CPQ: variants seen among roughly 807,000 people sequenced by gnomAD.
The protein encoded by CPQ is carboxypeptidase Q.
A neutral mutation model predicts 45.7 loss-of-function variants in CPQ; 37 were observed. That is an observed-to-expected ratio of 0.81 (90% CI 0.62 to 1.07). The LOEUF (loss-of-function observed/expected upper bound fraction) is 1.07. CPQ is among the 50% of genes least tolerant of loss of function. The probability of loss-of-function intolerance (pLI) is 0.00; values close to 1 mark genes in which losing one functional copy is unlikely to be tolerated. For synonymous variants in CPQ, 186 were observed against 205.8 expected (o/e 0.90, Z 0.82); for missense variants, 537 against 572.9 (o/e 0.94, Z 0.64).
chr8:97,039,837 A>G (rs1391354805), intron 6 of CPQ, among the ~76,000 whole-genome samples: 1 of 152,062 alleles, frequency 6.6e-6, no homozygotes, highest in Non-Finnish European at 1.5e-5. Flanking sequence ...GCTGCATAGT[A>G]TTCCATGGTG....
At chr8:96,679,360 A>G (rs1220007906) in intron 1 of CPQ, among the ~76,000 whole-genome samples, 1 of 151,990 alleles carries the variant, frequency 6.6e-6, no homozygotes, top group East Asian at 1.9e-4. Context: ...TTCATCAGGG[A>G]TATTGGCTTT....
intron 3 of CPQ, among the ~76,000 whole-genome samples, chr8:96,865,113 G>C (rs1325065420): frequency 3.3e-5 from 5 of 151,938 alleles, no homozygotes; most frequent in Non-Finnish European, 7.4e-5. Flanking sequence ...AAATAATAAA[G>C]ATTGGAACAT....
In CPQ at chr8:96,822,360, A is replaced by G. The variant is rs188422299; in HGVS notation, c.434-12613A>G. On this transcript the variant is annotated intron_variant, in intron 2 of 7. Coordinates refer to ENST00000220763, the MANE Select transcript of CPQ (RefSeq NM_016134.4). Reference sequence around the variant, plus strand: ...GGTATTGTCAATAATGTTGTAATGAACATAGGAGTGCAGGTATCTCTTTGA... The same window carrying G: ...GGTATTGTCAATAATGTTGTAATGAGCATAGGAGTGCAGGTATCTCTTTGA... 3.9e-5 allele frequency among the ~76,000 whole-genome samples: 6 copies of G among 152,142 alleles called. No homozygotes were observed. The East Asian group carries it at 9.7e-4, about 25-fold the overall frequency.
chr8:97,018,187 A>G (rs1563555591), intron 5 of CPQ, among the ~76,000 whole-genome samples: 1 of 152,178 alleles, frequency 6.6e-6, no homozygotes, highest in African/African-American at 2.4e-5. Flanking sequence ...GAAAAGGGGG[A>G]GAGTACTACA....
At chr8:97,069,574 A>G (rs567306717) in intron 7 of CPQ, among the ~76,000 whole-genome samples, 1 of 152,218 alleles carries the variant, frequency 6.6e-6, no homozygotes, top group Middle Eastern at 3.4e-3. Context: ...AAGTAAAAAT[A>G]TATCAGTTGT....
chr8:97,055,848 C>T (rs1810446728), intron 6 of CPQ, among the ~76,000 whole-genome samples: 1 of 152,098 alleles, frequency 6.6e-6, no homozygotes, highest in African/African-American at 2.4e-5. Flanking sequence ...GCCTATAATC[C>T]TAGCACTTTA....
chr8:97,006,058 AG>A (rs1809375799), intron 5 of CPQ, among the ~76,000 whole-genome samples: 1 of 152,212 alleles, frequency 6.6e-6, no homozygotes, highest in Non-Finnish European at 1.5e-5. Flanking sequence ...AATTTAAGCA[AG>A]GCAGACAGTG....
intron 1 of CPQ, among the ~76,000 whole-genome samples, chr8:96,777,599 A>T (rs926000313): frequency 1.3e-5 from 2 of 151,402 alleles, no homozygotes; most frequent in Non-Finnish European, 2.9e-5. Flanking sequence ...ACACTGAAGT[A>T]AACAAGTGTT....
At chr8:96,939,219 C>T (rs1813092556) in intron 4 of CPQ, among the ~76,000 whole-genome samples, 1 of 152,188 alleles carries the variant, frequency 6.6e-6, no homozygotes, top group Non-Finnish European at 1.5e-5. Flanking sequence ...GGCAATCAGG[C>T]ATTAGTTAGA....
intron 5 of CPQ, among the ~76,000 whole-genome samples, chr8:96,991,376 G>A (rs1257343504): frequency 6.6e-6 from 1 of 151,902 alleles, no homozygotes; most frequent in African/African-American, 2.4e-5. Context: ...GGCCAACATG[G>A]CAAAACCCCA....
chr8:96,675,980 T>C (rs536786997), intron 1 of CPQ, among the ~76,000 whole-genome samples: 3 of 152,146 alleles, frequency 2.0e-5, no homozygotes, highest in African/African-American at 7.2e-5. Flanking sequence ...CAAAAATGTT[T>C]ATTTTTTCCT....
At chr8:96,950,463 T>G (rs959366327) in intron 4 of CPQ, among the ~76,000 whole-genome samples, 6 of 152,098 alleles carry the variant, frequency 3.9e-5, no homozygotes, top group African/African-American at 1.4e-4. Flanking sequence ...TTAGAAAGGC[T>G]GGTGTTTCTC....
At chr8:96,914,036 CAAA>C (rs141743104) in intron 4 of CPQ, among the ~76,000 whole-genome samples, 3 of 152,038 alleles carry the variant, frequency 2.0e-5, no homozygotes, top group Non-Finnish European at 4.4e-5. Flanking sequence ...GATATGTAGA[CAAA>C]ACAGATTTTG....
chr8:96,995,992 A>C (rs547641552), intron 5 of CPQ, among the ~76,000 whole-genome samples: 2 of 152,124 alleles, frequency 1.3e-5, no homozygotes, highest in South Asian at 4.1e-4. Context: ...GAGAAAGACA[A>C]GAAGGAATTG....
At chr8:96,839,750 T>G (rs1415393055) in intron 3 of CPQ, among the ~76,000 whole-genome samples, 1 of 152,180 alleles carries the variant, frequency 6.6e-6, no homozygotes, top group African/African-American at 2.4e-5. Flanking sequence ...AAGTGATTAG[T>G]GTTATTTATT....
chr8:96,953,455 T>C (rs1307793115), intron 4 of CPQ, among the ~76,000 whole-genome samples: 1 of 152,118 alleles, frequency 6.6e-6, no homozygotes, highest in Non-Finnish European at 1.5e-5. Flanking sequence ...GCAAGTCTAC[T>C]CTTCTTGCAG....
intron 2 of CPQ, among the ~76,000 whole-genome samples, chr8:96,812,182 C>T (rs895418896): frequency 1.3e-5 from 2 of 152,006 alleles, no homozygotes; most frequent in Non-Finnish European, 2.9e-5. Flanking sequence ...CTTTTTTGCA[C>T]AAGTTATTGT....
intron 1 of CPQ, among the ~76,000 whole-genome samples, chr8:96,710,191 T>C (rs1705135173): frequency 6.6e-6 from 1 of 150,446 alleles, no homozygotes; most frequent in South Asian, 2.1e-4. Flanking sequence ...GTGTTCATAG[T>C]AGTCTCGAAA....
chr8:96,925,011 T>C lies in CPQ; in HGVS notation c.850-40924T>C, dbSNP rs116664940. Among the ~76,000 whole-genome samples, 1,331 of 152,318 alleles carry C rather than the reference T, an allele frequency of 8.7e-3. 21 individuals are homozygous for C. The highest frequency in any genetic ancestry group is 0.03 in the African/African-American group (1,253 of 41,564). On this transcript the variant is annotated intron_variant, in intron 4 of 7. Coordinates refer to ENST00000220763, the MANE Select transcript of CPQ (RefSeq NM_016134.4). ...GCCAAAAGTAACTGAGTGACTAATA[T>C]CTGGGAAATATTTATTGAATGAGTG...
Sources: allele counts gnomAD v4.1 joint callset (sites outside exome capture counted in the v4.1 genomes callset), GRCh38; gene constraint gnomAD v4.1.1; transcripts MANE v1.5; gene names NCBI Gene and HGNC (gene_info 2026-07-23, HGNC 2026-07-21).